Variants in ZNF804A observed in about 807,000 individuals in gnomAD.
The protein encoded by ZNF804A is zinc finger protein 804A.
Under a neutral mutation model 16.5 loss-of-function variants are expected in ZNF804A, and 2 were observed. The ratio of observed to expected loss-of-function variants is 0.12; its 90% CI spans 0.05 to 0.38. The LOEUF (loss-of-function observed/expected upper bound fraction) is 0.38. Ranked by LOEUF, ZNF804A falls within the 10% of genes least tolerant of loss-of-function variation. The probability of loss-of-function intolerance (pLI) is 0.99; values close to 1 mark genes in which losing one functional copy is unlikely to be tolerated. For synonymous variants in ZNF804A, 534 were observed against 489.6 expected, an observed-to-expected ratio of 1.09 and a Z score of -1.20; for missense variants, 1,473 against 1,390.7, an observed-to-expected ratio of 1.06 and a Z score of -0.94.
At chr2:184,922,226 C>A (rs1415891103) in intron 2 of ZNF804A, among the ~76,000 whole-genome samples, 1 of 152,054 alleles carries the variant, frequency 6.6e-6, no homozygotes, top group Non-Finnish European at 1.5e-5. Context: ...TAACAGTGTA[C>A]AAGGGTTCCT....
chr2:184,938,166 C>T lies in ZNF804A; in HGVS notation c.2770C>T (p.Pro924Ser). The T allele has an allele frequency of 6.2e-7, 1 of 1,613,946 alleles. No individual in the cohort carries two copies. The highest frequency in any genetic ancestry group is 8.5e-7 in the Non-Finnish European group (1 of 1,179,986). Residue 924 changes from proline (P) to serine (S), a missense_variant, in exon 4 of 4, where the codon CCA becomes TCA. Coordinates refer to ENST00000302277, the MANE Select transcript of ZNF804A (RefSeq NM_194250.2). ...PTTSVCVASA[P>S]TKEAIDNTLL... ...CACATCTGTCTGTGTAGCTAGTGCCCCAACAAAAGAAGCAATTGACAATAC... is the reference window on the plus strand; with the variant it reads ...CACATCTGTCTGTGTAGCTAGTGCCTCAACAAAAGAAGCAATTGACAATAC...
intron 1 of ZNF804A, among the ~76,000 whole-genome samples, chr2:184,628,322 A>C (rs1691541558): frequency 6.6e-6 from 1 of 152,162 alleles, no homozygotes; most frequent in Admixed American, 6.6e-5. Context: ...TGAAAAAGAA[A>C]AGAAAGAAAA....
intron 2 of ZNF804A, among the ~76,000 whole-genome samples, chr2:184,883,071 A>G (rs1684834104): frequency 1.3e-5 from 2 of 152,064 alleles, no homozygotes; most frequent in Non-Finnish European, 2.9e-5. Context: ...AAGATCTCAA[A>G]TAACACAACC....
intron 1 of ZNF804A, among the ~76,000 whole-genome samples, chr2:184,824,225 A>T (rs997968853): frequency 6.6e-6 from 1 of 152,166 alleles, no homozygotes; most frequent in African/African-American, 2.4e-5. Context: ...CTTATCAAAT[A>T]AAGATAAATT....
intron 2 of ZNF804A, among the ~76,000 whole-genome samples, chr2:184,892,050 C>A (rs1684992030): frequency 6.6e-6 from 1 of 152,132 alleles, no homozygotes; most frequent in Admixed American, 6.5e-5. Flanking sequence ...CTACTGAATT[C>A]TTTATACGTG....
intron 2 of ZNF804A, among the ~76,000 whole-genome samples, chr2:184,912,508 A>AT (rs1685378050): frequency 6.6e-6 from 1 of 152,048 alleles, no homozygotes; most frequent in African/African-American, 2.4e-5. Flanking sequence ...TATATGTTTA[A>AT]TTTTCAAGAA....
At chr2:184,795,157 C>A (rs921335287) in intron 1 of ZNF804A, among the ~76,000 whole-genome samples, 2 of 152,032 alleles carry the variant, frequency 1.3e-5, no homozygotes, top group African/African-American at 4.8e-5. Context: ...CCAGGGTAGA[C>A]CATATTTTAG....
chr2:184,632,833 A>T (rs1324305387), intron 1 of ZNF804A, among the ~76,000 whole-genome samples: 1 of 152,218 alleles, frequency 6.6e-6, no homozygotes, highest in Non-Finnish European at 1.5e-5. Flanking sequence ...GCCAGAGTTT[A>T]GCAAACATTG....
At chr2:184,913,140 T>A (rs1223158061) in intron 2 of ZNF804A, among the ~76,000 whole-genome samples, 4 of 152,122 alleles carry the variant, frequency 2.6e-5, no homozygotes, top group Non-Finnish European at 5.9e-5. Context: ...ACCATTCTTT[T>A]GCAAACTTAG....
chr2:184,830,017 G>A (rs1487782555), intron 1 of ZNF804A, among the ~76,000 whole-genome samples: 1 of 149,712 alleles, frequency 6.7e-6, no homozygotes, highest in Non-Finnish European at 1.5e-5. Context: ...TTAGGTGGGA[G>A]GATCACCTGA....
intron 1 of ZNF804A, among the ~76,000 whole-genome samples, chr2:184,615,529 A>T (rs1398183677): frequency 6.6e-6 from 1 of 152,168 alleles, no homozygotes; most frequent in Non-Finnish European, 1.5e-5. Flanking sequence ...TAAAAAAAAT[A>T]AAAATTACCA....
At chr2:184,886,933 A>G (rs1300709533) in intron 2 of ZNF804A, among the ~76,000 whole-genome samples, 1 of 152,242 alleles carries the variant, frequency 6.6e-6, no homozygotes, top group East Asian at 1.9e-4. Context: ...TTTGGGATTA[A>G]CATCAGGTTC....
chr2:184,921,969 A>G (rs1685534969), intron 2 of ZNF804A, among the ~76,000 whole-genome samples: 1 of 152,080 alleles, frequency 6.6e-6, no homozygotes, highest in South Asian at 2.1e-4. Context: ...CTATGGCTGA[A>G]TGATAATTTA....
rs1195933098 is a variant in ZNF804A, at chr2:184,636,389, G to T, written c.111+37319G>T. Among the ~76,000 whole-genome samples the T allele has an allele frequency of 2.0e-5, 3 of 147,430 alleles. No homozygotes were observed. In the East Asian group the frequency reaches 6.0e-4, roughly 30 times the overall value. ...TTCTGTCTCTCAACTAGGTGCTTGG[G>T]CTAGGACAAAGCATTGTGAGACTGG... On this transcript the variant is annotated intron_variant, in intron 1 of 3. Coordinates refer to ENST00000302277, the MANE Select transcript of ZNF804A (RefSeq NM_194250.2).
intron 1 of ZNF804A, among the ~76,000 whole-genome samples, chr2:184,641,949 T>C (rs775599533): frequency 6.6e-6 from 1 of 152,224 alleles, no homozygotes. Context: ...GAGAAATGAA[T>C]GTCACTCATC....
intron 1 of ZNF804A, among the ~76,000 whole-genome samples, chr2:184,690,190 GGA>G (rs2105724850): frequency 7.9e-6 from 1 of 126,562 alleles, no homozygotes; most frequent in African/African-American, 3.7e-5. Context: ...GAAAGTCTCA[GGA>G]AAAAAAAAAA....
At chr2:184,925,637 CCTT>C (rs1431976256) in intron 2 of ZNF804A, among the ~76,000 whole-genome samples, 4 of 151,586 alleles carry the variant, frequency 2.6e-5, no homozygotes, top group Non-Finnish European at 4.4e-5. Context: ...TCCTTCCTGT[CCTT>C]CTTTCAGTAA....
intron 1 of ZNF804A, among the ~76,000 whole-genome samples, chr2:184,630,698 A>G (rs1691591645): frequency 6.6e-6 from 1 of 152,134 alleles, no homozygotes; most frequent in South Asian, 2.1e-4. Flanking sequence ...TTGAAATTCT[A>G]CTTCCAGTTT....
intron 1 of ZNF804A, among the ~76,000 whole-genome samples, chr2:184,709,316 A>C (rs1693085852): frequency 6.6e-6 from 1 of 152,120 alleles, no homozygotes; most frequent in Non-Finnish European, 1.5e-5. Context: ...AAACCAAGTC[A>C]TGTAGATATG....
Sources: gnomAD v4.1 joint callset for allele counts (sites outside exome capture counted in the v4.1 genomes callset) on GRCh38, gnomAD v4.1.1 for gene constraint, MANE v1.5 for transcripts, NCBI Gene and HGNC (gene_info 2026-07-23, HGNC 2026-07-21) for gene names.